The following RTN4 variants were observed in gnomAD, a reference collection of about 807,000 sequenced individuals.
The protein encoded by RTN4 is reticulon-4.
Under a neutral mutation model 90.4 loss-of-function variants are expected in RTN4, and 32 were observed. That is an observed-to-expected ratio of 0.35 (90% CI 0.27 to 0.48). The LOEUF (loss-of-function observed/expected upper bound fraction) is 0.48. Among genes scored for constraint, RTN4 ranks in the 20% least tolerant of loss-of-function variants. The pLI is 0.99. For missense variants in RTN4, 1,706 were observed against 1,430.2 expected (o/e 1.19, Z -3.11); for synonymous variants, 629 against 552.5 (o/e 1.14, Z -1.94).
At chr2:54,979,596 C>T (rs887179138) in intron 5 of RTN4, among the ~76,000 whole-genome samples, 2 of 152,152 alleles carry the variant, frequency 1.3e-5, no homozygotes, top group African/African-American at 4.8e-5. Context: ...TATACAATGA[C>T]ATTAGGAAAG....
chr2:55,001,793 T>C (rs1228004032), intron 3 of RTN4, among the ~76,000 whole-genome samples: 2 of 152,138 alleles, frequency 1.3e-5, no homozygotes, highest in African/African-American at 2.4e-5. Context: ...CTGAACATTT[T>C]TTGTAAAGGG....
chr2:55,019,200 T>C (rs931062597), intron 3 of RTN4, among the ~76,000 whole-genome samples: 1 of 152,116 alleles, frequency 6.6e-6, no homozygotes, highest in Admixed American at 6.6e-5. Flanking sequence ...AATTCATTAA[T>C]GGAAATGGAG....
At chr2:55,126,397 T>C in the RTN4 span, among the ~76,000 whole-genome samples, 3 of 150,788 alleles carry the variant, frequency 2.0e-5, no homozygotes, top group East Asian at 3.9e-4. Context: ...AGAAGACATA[T>C]ATGCAGCCAA....
intron 8 of RTN4, 179 bp from the exon 9 acceptor site, chr2:54,973,377 T>A (rs535262650): frequency 1.7e-4 from 126 of 758,960 alleles, no homozygotes; most frequent in African/African-American, 1.1e-3. Context: ...AACAAAGCCT[T>A]AAACACATAA....
chr2:55,049,919 C>T lies in RTN4; in HGVS notation c.382G>A (p.Val128Ile). 1 of 1,336,428 alleles carries T rather than the reference C, an allele frequency of 7.5e-7. No individual in the cohort carries two copies. Among genetic ancestry groups the T allele is most frequent in the Non-Finnish European group, 9.5e-7 (1 of 1,049,384 alleles). 82.8% of individuals were successfully genotyped at this position (1,336,428 alleles called of 1,614,324 possible). A position where few individuals can be genotyped will look rare whatever the true frequency, so the allele number is the denominator to read the frequency against. ...TCCTCAGGGAGCTTGGAGGGCGAGA[C>T]TGCGGCAGCAGACAGCGGGGATGGC... ...PAPSPLSAAA[V>I]SPSKLPEDDE... The change falls in exon 1 of 9, where the codon GTC (valine) becomes ATC (isoleucine). Residue 128 changes from valine to isoleucine, a missense_variant. By Grantham distance (29) the Val-to-Ile change is conservative (BLOSUM62 3). Coordinates refer to ENST00000337526, the MANE Select transcript of RTN4 (RefSeq NM_020532.5).
chr2:55,062,062 C>T (rs954261988), intron 2 of RTN4, among the ~76,000 whole-genome samples: 1 of 147,952 alleles, frequency 6.8e-6, no homozygotes, highest in Non-Finnish European at 1.5e-5. Flanking sequence ...GGCACTGGCA[C>T]GCCGGCAGGT....
intron 1 of RTN4, among the ~76,000 whole-genome samples, chr2:55,041,185 T>C (rs1041538436): frequency 1.3e-5 from 2 of 151,988 alleles, no homozygotes; most frequent in African/African-American, 2.4e-5. Flanking sequence ...ATTCAGTATG[T>C]TACAAGGAGG....
upstream of RTN4, among the ~76,000 whole-genome samples, chr2:55,055,094 C>T (rs946871761): frequency 6.6e-6 from 1 of 151,852 alleles, no homozygotes; most frequent in Non-Finnish European, 1.5e-5. Context: ...AAAACTGAAC[C>T]AAATCTTTCT....
At chr2:55,124,681 C>A in the RTN4 span, among the ~76,000 whole-genome samples, 1 of 152,122 alleles carries the variant, frequency 6.6e-6, no homozygotes, top group South Asian at 2.1e-4. Flanking sequence ...TATCAAACTA[C>A]CAACAATCTT....
chr2:55,049,060 G>A (rs1008345120), intron 1 of RTN4: 23 of 974,248 alleles, frequency 2.4e-5, no homozygotes, highest in African/African-American at 3.5e-5. Flanking sequence ...CGGGGAGCTG[G>A]GCGGTGGCAG....
At chr2:55,062,168 C>T (rs907101262) in intron 2 of RTN4, among the ~76,000 whole-genome samples, 1 of 152,066 alleles carries the variant, frequency 6.6e-6, no homozygotes. Flanking sequence ...TGCCTTCTGG[C>T]TCCTCCATCT....
intron 1 of RTN4, among the ~76,000 whole-genome samples, chr2:55,092,644 G>T (rs557427144): frequency 6.6e-6 from 1 of 152,162 alleles, no homozygotes; most frequent in African/African-American, 2.4e-5. Context: ...TTTCCTGCTT[G>T]CCCTCTGTCA....
At chr2:55,011,521 G>A (rs141041380) in intron 3 of RTN4, among the ~76,000 whole-genome samples, 322 of 152,202 alleles carry the variant, frequency 2.1e-3, no homozygotes, top group African/African-American at 7.3e-3. Flanking sequence ...AATGCAATTT[G>A]CGAAAATACT....
chr2:55,071,221 C>G (rs1349506058), intron 2 of RTN4, among the ~76,000 whole-genome samples: 1 of 151,614 alleles, frequency 6.6e-6, no homozygotes, highest in Non-Finnish European at 1.5e-5. Flanking sequence ...ATCTACAAGA[C>G]AAAATGTCTG....
At chr2:54,994,074 T>C (rs903438923) in intron 3 of RTN4, among the ~76,000 whole-genome samples, 18 of 152,230 alleles carry the variant, frequency 1.2e-4, no homozygotes, top group African/African-American at 2.9e-4. Flanking sequence ...TTTTGAAAGA[T>C]TGTTTATACA....
intron 2 of RTN4, among the ~76,000 whole-genome samples, chr2:55,074,516 C>T (rs1668567160): frequency 9.0e-6 from 1 of 110,570 alleles, no homozygotes; most frequent in Middle Eastern, 4.4e-3. Context: ...GCTGCCCTCA[C>T]CAAAAAAAAA....
intron 5 of RTN4, among the ~76,000 whole-genome samples, chr2:54,980,190 T>C (rs189307952): frequency 7.4e-4 from 112 of 152,296 alleles, no homozygotes; most frequent in Non-Finnish European, 1.5e-4. Flanking sequence ...TCAAAAGAAA[T>C]TAAAATATAA....
intron 3 of RTN4, among the ~76,000 whole-genome samples, chr2:54,997,817 T>C (rs372767955): frequency 1.3e-5 from 2 of 152,200 alleles, no homozygotes; most frequent in East Asian, 3.8e-4. Context: ...TCATTTAACT[T>C]TAGTATACTG....
At position 54,974,057 on chromosome 2, in the gene RTN4, G is replaced by A. The variant is rs1280059657; in HGVS notation, c.3431-190C>T. On this transcript the variant is annotated intron_variant, in intron 6 of 8. Coordinates refer to ENST00000337526, the MANE Select transcript of RTN4 (RefSeq NM_020532.5). ...CCAGAGGAATGAATGAACTGTGTGA[G>A]GCTGCAGTTATTAGAGCTAGGAACC... The A allele has an allele frequency of 5.6e-6, 3 of 535,104 alleles. No individual in the cohort carries two copies. The African/African-American group carries it at 5.7e-5, about 10-fold the overall frequency. 33.1% of individuals were successfully genotyped at this position (535,104 alleles called of 1,614,324 possible).
Sources: allele counts gnomAD v4.1 joint callset (sites outside exome capture counted in the v4.1 genomes callset), GRCh38; gene constraint gnomAD v4.1.1; transcripts MANE v1.5; gene names NCBI Gene and HGNC (gene_info 2026-07-23, HGNC 2026-07-21).